RAP1GAP2: variants seen among roughly 807,000 people sequenced by gnomAD.
The protein encoded by RAP1GAP2 is rap1 GTPase-activating protein 2.
A neutral mutation model predicts 95.0 loss-of-function variants in RAP1GAP2; 27 were observed. The observed-to-expected ratio is 0.28, with a 90% confidence interval of 0.21 to 0.39. The LOEUF (loss-of-function observed/expected upper bound fraction) is 0.39. Ranked by LOEUF, RAP1GAP2 falls within the 10% of genes least tolerant of loss-of-function variation. The pLI, the probability that RAP1GAP2 is intolerant of heterozygous loss-of-function variation, is 1.00. For missense variants in RAP1GAP2, 771 were observed against 970.0 expected (o/e 0.79, Z 2.72); for synonymous variants, 373 against 380.9 (o/e 0.98, Z 0.24).
At chr17:2,789,070 T>G (rs1038183352) in intron 1 of RAP1GAP2, among the ~76,000 whole-genome samples, 1 of 152,196 alleles carries the variant, frequency 6.6e-6, no homozygotes, top group Non-Finnish European at 1.5e-5. Context: ...CAATTTTTTC[T>G]TTTTGAGATG....
At chr17:3,009,506 C>G (rs541080608) in intron 17 of RAP1GAP2, among the ~76,000 whole-genome samples, 1 of 152,216 alleles carries the variant, frequency 6.6e-6, no homozygotes, top group Non-Finnish European at 1.5e-5. Context: ...AATCCAGGTC[C>G]GCCGGATTCC....
chr17:2,863,018 AAAAGT>A (rs1269312754), intron 2 of RAP1GAP2, among the ~76,000 whole-genome samples: 1 of 151,094 alleles, frequency 6.6e-6, no homozygotes, highest in African/African-American at 2.4e-5. Context: ...AAAAAAAAAA[AAAAGT>A]AAAGTCAGGC....
intron 8 of RAP1GAP2, among the ~76,000 whole-genome samples, chr17:2,977,275 A>T (rs2045163038): frequency 6.6e-6 from 1 of 151,978 alleles, no homozygotes; most frequent in Admixed American, 6.5e-5. Flanking sequence ...TTATATAAAC[A>T]TATAAATTTC....
At chr17:2,940,252 C>T (rs568555378) in intron 3 of RAP1GAP2, among the ~76,000 whole-genome samples, 6 of 152,178 alleles carry the variant, frequency 3.9e-5, no homozygotes, top group African/African-American at 1.4e-4. Flanking sequence ...AGACCAGGGA[C>T]AGAGGGGCCT....
At chr17:2,894,164 G>T (rs552683592) in intron 2 of RAP1GAP2, among the ~76,000 whole-genome samples, 16 of 149,744 alleles carry the variant, frequency 1.1e-4, no homozygotes, top group Non-Finnish European at 2.2e-4. Context: ...GCCCATGCCT[G>T]CAATCCCAGC....
At chr17:2,832,529 G>A (rs1326091127) in intron 2 of RAP1GAP2, among the ~76,000 whole-genome samples, 8 of 139,410 alleles carry the variant, frequency 5.7e-5, no homozygotes, top group South Asian at 4.6e-4. Flanking sequence ...CTGCACTCCA[G>A]CCTGGGCGAC....
chr17:2,800,852 TTTC>T (rs143405905), intron 2 of RAP1GAP2, among the ~76,000 whole-genome samples: 64,901 of 129,988 alleles, frequency 0.5, 16,155 homozygotes, highest in South Asian at 0.64. Context: ...TCTTTCTTTC[TTTC>T]TTTTTTTTTT....
rs1427822972 is a variant in RAP1GAP2 at position 2,855,178 on chromosome 17, C to T, written c.81-50106C>T. 2.0e-5 allele frequency among the ~76,000 whole-genome samples: 3 copies of T among 152,128 alleles called. No homozygotes were observed. Among genetic ancestry groups the T allele is most frequent in the African/African-American group, 4.8e-5 (2 of 41,422 alleles). ...GTTGTCCCCCATTCCTCTCGTCCCC[C>T]CTTCCTATAATGTGTGTAACAAGAT... On this transcript the variant is annotated intron_variant, in intron 2 of 24. Coordinates refer to ENST00000254695, the MANE Select transcript of RAP1GAP2 (RefSeq NM_015085.5). The surrounding 1 kb of genome is among the most constrained non-coding windows in gnomAD (Gnocchi z 4.3).
At chr17:2,799,041 A>C (rs551104253) in intron 1 of RAP1GAP2, among the ~76,000 whole-genome samples, 1 of 152,312 alleles carries the variant, frequency 6.6e-6, no homozygotes, top group East Asian at 1.9e-4. Flanking sequence ...TGCCTTACCC[A>C]CAACACAGGG....
At chr17:2,979,809 G>A (rs992997592) in intron 8 of RAP1GAP2, among the ~76,000 whole-genome samples, 7 of 152,032 alleles carry the variant, frequency 4.6e-5, no homozygotes, top group Non-Finnish European at 1.0e-4. Flanking sequence ...GCCTAAGTAG[G>A]ATTCCGTTTT....
chr17:2,934,000 C>T (rs750221063), intron 3 of RAP1GAP2, among the ~76,000 whole-genome samples: 4 of 152,262 alleles, frequency 2.6e-5, no homozygotes, highest in Non-Finnish European at 4.4e-5. Context: ...AAGGCAGCCA[C>T]GCCCTTACAG....
At chr17:2,980,731 C>T (rs1397871614) in intron 9 of RAP1GAP2, among the ~76,000 whole-genome samples, 1 of 152,116 alleles carries the variant, frequency 6.6e-6, no homozygotes, top group Non-Finnish European at 1.5e-5. Context: ...CCTGGGGAAC[C>T]TTCACAGCAG....
At chr17:2,802,821 T>C (rs1288950313) in intron 2 of RAP1GAP2, among the ~76,000 whole-genome samples, 2 of 152,172 alleles carry the variant, frequency 1.3e-5, no homozygotes, top group Non-Finnish European at 2.9e-5. Flanking sequence ...AGGACCCCCA[T>C]GTCTGTGCTG....
chr17:2,961,594 A>G (rs939321641), intron 4 of RAP1GAP2, among the ~76,000 whole-genome samples: 3 of 152,260 alleles, frequency 2.0e-5, no homozygotes, highest in Non-Finnish European at 4.4e-5. Flanking sequence ...ATACCTGTAG[A>G]TAAACTCCCT....
At chr17:2,971,648 C>T (rs948957283) in intron 8 of RAP1GAP2, among the ~76,000 whole-genome samples, 8 of 152,258 alleles carry the variant, frequency 5.3e-5, no homozygotes, top group Admixed American at 3.3e-4. Context: ...TTAGCAACTT[C>T]TCTGTGTCTC....
At chr17:2,994,701 C>T (rs138935661) in intron 12 of RAP1GAP2, among the ~76,000 whole-genome samples, 35 of 152,302 alleles carry the variant, frequency 2.3e-4, no homozygotes, top group African/African-American at 7.9e-4. Flanking sequence ...GGAATGGCAC[C>T]GGGGATGGGC....
At chr17:2,761,760 AAAATAAATAAATTGGTGCTGGG>A (rs1297901473) in intron 1 of RAP1GAP2, among the ~76,000 whole-genome samples, 1 of 152,156 alleles carries the variant, frequency 6.6e-6, no homozygotes, top group Non-Finnish European at 1.5e-5. Context: ...GAAATACAAT[AAAATAAATAAATTGGTGCTGGG>A]TGTGGGAATG....
At chr17:2,927,300 C>T (rs1393082429) in intron 3 of RAP1GAP2, among the ~76,000 whole-genome samples, 2 of 152,054 alleles carry the variant, frequency 1.3e-5, no homozygotes, top group Admixed American at 6.6e-5. Context: ...ACTACAGGCA[C>T]CCGCCACCGC....
At chr17:2,782,581 A>G (rs1401120684) in intron 1 of RAP1GAP2, among the ~76,000 whole-genome samples, 1 of 152,094 alleles carries the variant, frequency 6.6e-6, no homozygotes, top group Non-Finnish European at 1.5e-5. Flanking sequence ...GCCTTAGCAT[A>G]ATTTATCTCA....
Sources: allele counts gnomAD v4.1 joint callset (sites outside exome capture counted in the v4.1 genomes callset), GRCh38; gene constraint gnomAD v4.1.1; non-coding constraint Gnocchi (gnomAD v3.1); transcripts MANE v1.5; gene names NCBI Gene and HGNC (gene_info 2026-07-23, HGNC 2026-07-21).